Variants in MYH9 observed in about 807,000 individuals in gnomAD.
MYH9 encodes myosin heavy chain 9.
In MYH9, 29 loss-of-function variants were observed where a neutral mutation model predicts 241.9. The observed-to-expected ratio is 0.12, with a 90% CI of 0.09 to 0.16. The LOEUF (loss-of-function observed/expected upper bound fraction) is 0.16, where lower values mean the gene tolerates loss of function less well. MYH9 is among the 10% of genes least tolerant of loss of function. The pLI, the probability that MYH9 is intolerant of heterozygous loss-of-function variation, is 1.00. For missense variants in MYH9, 1,803 were observed against 2,595.5 expected (o/e 0.69, Z 6.63); for synonymous variants, 1,047 against 1,062.6 (o/e 0.99, Z 0.29).
intron 2 of MYH9, among the ~76,000 whole-genome samples, chr22:36,347,530 C>T (rs1440740059): frequency 4.0e-5 from 6 of 151,612 alleles, no homozygotes; most frequent in African/African-American, 1.2e-4. Flanking sequence ...CTCAGGAGTT[C>T]GAGACCAGCC....
chr22:36,378,725 A>G (rs925031429), intron 1 of MYH9, among the ~76,000 whole-genome samples: 1 of 152,146 alleles, frequency 6.6e-6, no homozygotes, highest in Non-Finnish European at 1.5e-5. Flanking sequence ...GCCCCCCAAC[A>G]AAAAACAACA....
chr22:36,365,902 T>C (rs772907630), intron 1 of MYH9, among the ~76,000 whole-genome samples: 17 of 152,246 alleles, frequency 1.1e-4, no homozygotes, highest in Admixed American at 2.6e-4. Flanking sequence ...AACACACTGG[T>C]TGCCCGCCAG....
chr22:36,306,975 G>A lies in MYH9; in HGVS notation c.1844-368C>T, dbSNP rs1440009664. Among the ~76,000 whole-genome samples the A allele has an allele frequency of 6.6e-6, 1 of 152,142 alleles. No homozygotes were observed. Among genetic ancestry groups the A allele is most frequent in the Non-Finnish European group, 1.5e-5 (1 of 68,040 alleles). The stretch of plus-strand genomic sequence containing the variant: ...TACTAGCCTGGCTCTAACGAGGGGT[G>A]TGAAAACCTGGCTTACGGAATCCTG... On this transcript the variant is annotated intron_variant, in intron 15 of 40. Coordinates refer to ENST00000216181, the MANE Select transcript of MYH9 (RefSeq NM_002473.6). This position sits in a 1 kb window ranked among gnomAD's most constrained non-coding sequence, Gnocchi z 4.1.
rs1417887006 is a variant in MYH9, at chr22:36,346,147, G to A, written c.333+2757C>T. On this transcript the variant is annotated intron_variant, in intron 2 of 40. Transcript: ENST00000216181. ...AGCCTGGGTGACAAAGTGAGACTCC[G>A]TCTCAAAAAAAAAAAAAAAAAGAAG... Among the ~76,000 whole-genome samples, 17 of 101,658 alleles carry A rather than the reference G, an allele frequency of 1.7e-4. No individual in the cohort carries two copies. In the South Asian group the frequency reaches 3.5e-3, roughly 21 times the overall value. The allele number at this position is 101,658 out of a possible 152,430, so 66.7% of individuals were successfully genotyped here.
Position 36,293,691 on chromosome 22 carries a change from T to C in MYH9, c.3942+68A>G. On this transcript the variant is annotated intron_variant, in intron 29 of 40. Transcript: ENST00000216181. This position sits in a 1 kb window ranked among gnomAD's most constrained non-coding sequence, Gnocchi z 5.1. ...TGGGCAATCCGATGGGCTCTGAAGC[T>C]AATGTTGCGTGGACACAGAGGCCTT... is the stretch of plus-strand genomic sequence containing the variant. 1 of 1,439,732 alleles carries C rather than the reference T, an allele frequency of 6.9e-7. No homozygotes were observed. Among genetic ancestry groups the C allele is most frequent in the Non-Finnish European group, 9.7e-7 (1 of 1,031,384 alleles). The allele number at this position is 1,439,732 out of a possible 1,614,324, so 89.2% of individuals were successfully genotyped here. A position where few individuals can be genotyped will look rare whatever the true frequency, so the allele number is the denominator to read the frequency against.
intron 2 of MYH9, among the ~76,000 whole-genome samples, chr22:36,343,291 T>C (rs751080709): frequency 1.1e-4 from 17 of 152,172 alleles, no homozygotes; most frequent in East Asian, 1.9e-4. Flanking sequence ...ATTCCAGCAC[T>C]TGGGGAGGCC....
intron 11 of MYH9, among the ~76,000 whole-genome samples, chr22:36,317,270 T>TG (rs559948479): frequency 9.2e-5 from 14 of 152,308 alleles, no homozygotes; most frequent in Non-Finnish European, 2.1e-4. Context: ...TGCAAAGCTC[T>TG]GTAATTAAAA....
intron 3 of MYH9, among the ~76,000 whole-genome samples, chr22:36,335,151 C>G (rs996840385): frequency 3.3e-5 from 5 of 152,208 alleles, no homozygotes; most frequent in African/African-American, 1.2e-4. Flanking sequence ...CATCTTGAAG[C>G]TGATTTGCCT....
Position 36,319,983 on chromosome 22 carries a change from G to A in MYH9, c.1012+237C>T, listed in dbSNP as rs56205383. The A allele has an allele frequency of 0.048, 30,103 of 629,402 alleles. 884 individuals carry two copies. Among genetic ancestry groups the A allele is most frequent in the South Asian group, 0.058 (3,012 of 52,212 alleles). The allele number at this position is 629,402 out of a possible 1,614,324, so 39.0% of individuals were successfully genotyped here. A position where few individuals can be genotyped will look rare whatever the true frequency, so the allele number is the denominator to read the frequency against. On this transcript the variant is annotated intron_variant, in intron 9 of 40. Transcript: ENST00000216181. ...GGCAAGGGCTGTGCAGTGGACCCGA[G>A]TCCTGGGCAGTTAAGAACATGTCCT...
Position 36,293,824 on chromosome 22 carries a change from C to A in MYH9, c.3877G>T (p.Asp1293Tyr). ...DNVTGLLSQS[D>Y]SKSSKLTKDF... ...TTGGTGAGCTTGCTGGACTTGCTGT[C>A]GGACTGGCTGAGAAGCCCGGTCACG... is the stretch of plus-strand genomic sequence containing the variant. Residue 1293 changes from aspartate to tyrosine, a missense_variant, in exon 29 of 41, where the codon GAC becomes TAC. Asp to Tyr is a radical substitution (Grantham distance 160, BLOSUM62 -3). Coordinates refer to ENST00000216181, the MANE Select transcript of MYH9 (RefSeq NM_002473.6). The surrounding 1 kb of genome is among the most constrained non-coding windows in gnomAD (Gnocchi z 5.1). 6.2e-7 allele frequency: 1 copy of A among 1,613,856 alleles called. No individual in the cohort carries two copies. The highest frequency in any genetic ancestry group is 8.5e-7 in the Non-Finnish European group (1 of 1,179,980).
At chr22:36,314,036 G>A (rs911908897) in intron 13 of MYH9, 109 bp downstream of exon 13, 7 of 1,384,808 alleles carry the variant, frequency 5.1e-6, no homozygotes, top group Middle Eastern at 1.8e-4. Context: ...CCAAAAGGAA[G>A]GGGAGTTAAG....
intron 32 of MYH9, 68 bp from the exon 33 acceptor site, chr22:36,289,007 G>A: frequency 6.2e-7 from 1 of 1,612,566 alleles, no homozygotes; most frequent in Non-Finnish European, 8.5e-7. Flanking sequence ...GCGACCCGGA[G>A]TCTGTGCACA....
At chr22:36,322,904 A>G (rs1057481117) in intron 5 of MYH9, among the ~76,000 whole-genome samples, 5 of 152,086 alleles carry the variant, frequency 3.3e-5, no homozygotes, top group Non-Finnish European at 5.9e-5. Context: ...GCTTCCCTCT[A>G]CCTCCTTGCC....
chr22:36,347,777 G>A (rs1466864374), intron 2 of MYH9, among the ~76,000 whole-genome samples: 1 of 143,810 alleles, frequency 7.0e-6, no homozygotes, highest in Non-Finnish European at 1.5e-5. Flanking sequence ...AGACCAGACT[G>A]GCCAATTAAA....
chr22:36,342,729 T>C (rs1254518600), intron 2 of MYH9, among the ~76,000 whole-genome samples: 1 of 151,942 alleles, frequency 6.6e-6, no homozygotes, highest in East Asian at 1.9e-4. Context: ...TTCAAGCAAC[T>C]GGAGTGACCC....
intron 34 of MYH9, among the ~76,000 whole-genome samples, chr22:36,287,780 A>C (rs747307059): frequency 6.6e-6 from 1 of 152,238 alleles, no homozygotes; most frequent in African/African-American, 2.4e-5. Context: ...AACTAAGGTT[A>C]TTCTTGTTAC....
At chr22:36,309,217 G>A in intron 15 of MYH9, 65 bp downstream of exon 15, 1 of 1,364,556 alleles carries the variant, frequency 7.3e-7, no homozygotes, top group Non-Finnish European at 1.0e-6. Context: ...TCGGCCCACT[G>A]TGGAGGTGGG....
intron 13 of MYH9, among the ~76,000 whole-genome samples, chr22:36,313,286 C>G (rs142261462): frequency 2.6e-5 from 4 of 151,224 alleles, no homozygotes; most frequent in Non-Finnish European, 5.9e-5. Flanking sequence ...TCCGCCTCCA[C>G]TAAAAATACA....
chr22:36,374,052 C>T (rs1187573500), intron 1 of MYH9, among the ~76,000 whole-genome samples: 1 of 151,750 alleles, frequency 6.6e-6, no homozygotes, highest in Non-Finnish European at 1.5e-5. Flanking sequence ...AAACACCACA[C>T]ACACCCCCAC....
Sources: gnomAD v4.1 joint callset for allele counts (sites outside exome capture counted in the v4.1 genomes callset) on GRCh38, gnomAD v4.1.1 for gene constraint, Gnocchi (gnomAD v3.1) non-coding constraint, MANE v1.5 for transcripts, NCBI Gene and HGNC (gene_info 2026-07-23, HGNC 2026-07-21) for gene names.